The following ATP9B variants were observed in gnomAD, a reference collection of about 807,000 sequenced individuals.
The protein encoded by ATP9B is probable phospholipid-transporting ATPase IIB.
In ATP9B, 110 loss-of-function variants were observed where a neutral mutation model predicts 146.1. The ratio of observed to expected loss-of-function variants is 0.75; its 90% CI spans 0.65 to 0.88. The LOEUF is 0.88. Among genes scored for constraint, ATP9B ranks in the 40% least tolerant of loss-of-function variants. ATP9B has a pLI of 0.00. For missense variants in ATP9B, 1,499 were observed against 1,496.4 expected, an observed-to-expected ratio of 1.00 and a Z score of -0.03; for synonymous variants, 604 against 569.7, an observed-to-expected ratio of 1.06 and a Z score of -0.86.
chr18:79,260,562 T>C (rs907302341), intron 12 of ATP9B, among the ~76,000 whole-genome samples: 2 of 152,170 alleles, frequency 1.3e-5, no homozygotes, highest in Non-Finnish European at 2.9e-5. Context: ...TAGTGTGGAC[T>C]CTCAGGATAT....
chr18:79,138,549 G>A (rs542350307), intron 5 of ATP9B, among the ~76,000 whole-genome samples: 2 of 152,276 alleles, frequency 1.3e-5, no homozygotes, highest in South Asian at 4.1e-4. Flanking sequence ...TTGGCAATGA[G>A]TCTACCTGCT....
At chr18:79,372,534 G>C (rs1174332190) in intron 26 of ATP9B, 1 of 576,130 alleles carries the variant, frequency 1.7e-6, no homozygotes, top group South Asian at 1.5e-5. Context: ...ATGTTTGCTT[G>C]TATACATCAC....
At chr18:79,256,066 T>C (rs1356893655) in intron 12 of ATP9B, among the ~76,000 whole-genome samples, 1 of 151,800 alleles carries the variant, frequency 6.6e-6, no homozygotes, top group East Asian at 1.9e-4. Flanking sequence ...TTTAAAAATA[T>C]ATATTTTTTT....
chr18:79,296,714 G>T (rs965300490), intron 13 of ATP9B, among the ~76,000 whole-genome samples: 1 of 152,132 alleles, frequency 6.6e-6, no homozygotes, highest in East Asian at 1.9e-4. Context: ...AATTAGGCTC[G>T]TTATCATTAT....
At chr18:79,302,492 G>C (rs1432696222) in intron 13 of ATP9B, among the ~76,000 whole-genome samples, 1 of 152,224 alleles carries the variant, frequency 6.6e-6, no homozygotes, top group African/African-American at 2.4e-5. Context: ...ACACATCGCA[G>C]CACGCTACAT....
chr18:79,259,645 C>T lies in ATP9B; in HGVS notation c.1268+6104C>T, dbSNP rs9962482. Among the ~76,000 whole-genome samples the T allele has an allele frequency of 4.6e-5, 7 of 152,124 alleles. No individual in the cohort carries two copies. In the East Asian group the frequency reaches 1.4e-3, roughly 29 times the overall value. On this transcript the variant is annotated intron_variant, in intron 12 of 29. Transcript: ENST00000426216. ...GTGAGCGTGGGGATGCTTGCCTGTG[C>T]GCTTCCAGAGCAGACGGACCAGGGA...
intron 10 of ATP9B, among the ~76,000 whole-genome samples, chr18:79,213,346 A>G (rs188433649): frequency 1.4e-4 from 22 of 151,966 alleles, no homozygotes; most frequent in Middle Eastern, 6.8e-3. Flanking sequence ...CATACCAAGG[A>G]TATTTTATTA....
At chr18:79,343,501 C>T (rs899105537) in intron 20 of ATP9B, among the ~76,000 whole-genome samples, 1 of 152,098 alleles carries the variant, frequency 6.6e-6, no homozygotes, top group African/African-American at 2.4e-5. Flanking sequence ...TACTTTTACT[C>T]TTTTAGGTTT....
At chr18:79,110,877 T>C (rs1438289722) in intron 3 of ATP9B, among the ~76,000 whole-genome samples, 1 of 152,210 alleles carries the variant, frequency 6.6e-6, no homozygotes, top group African/African-American at 2.4e-5. Flanking sequence ...ACAGTAAATG[T>C]AATGTTTAAA....
chr18:79,069,924 C>G (rs1215960057), intron 1 of ATP9B, among the ~76,000 whole-genome samples: 2 of 152,236 alleles, frequency 1.3e-5, no homozygotes, highest in African/African-American at 4.8e-5. Flanking sequence ...ACGGATGTAA[C>G]TTTTAATTGC....
At chr18:79,192,907 G>A (rs372920611) in intron 8 of ATP9B, among the ~76,000 whole-genome samples, 1 of 152,104 alleles carries the variant, frequency 6.6e-6, no homozygotes, top group Non-Finnish European at 1.5e-5. Context: ...TACCATTGGA[G>A]CCCCCTGGAC....
chr18:79,373,855 C>T (rs2097087761), intron 27 of ATP9B, 43 bp from the exon 28 acceptor site: 3 of 1,601,724 alleles, frequency 1.9e-6, no homozygotes, highest in Non-Finnish European at 2.6e-6. Flanking sequence ...AGCTGGCTTA[C>T]ACCCTGCTCG....
intron 19 of ATP9B, among the ~76,000 whole-genome samples, chr18:79,341,037 A>G (rs904613722): frequency 5.3e-5 from 8 of 152,266 alleles, no homozygotes; most frequent in African/African-American, 1.9e-4. Flanking sequence ...GGTGTTACTC[A>G]CATGCCTCCA....
rs142624259 is a variant in ATP9B, at chr18:79,229,190, T to C, written c.1107+15152T>C. Among the ~76,000 whole-genome samples the C allele has an allele frequency of 2.4e-3, 368 of 152,346 alleles. 2 individuals are homozygous for C. The highest frequency in any genetic ancestry group is 6.4e-3 in the South Asian group (31 of 4,830). ...GTTGATAACTCACACTAGCATGTTATGTAGAATTATGTAATTACTAAAACT... is the reference window on the plus strand; with the variant it reads ...GTTGATAACTCACACTAGCATGTTACGTAGAATTATGTAATTACTAAAACT... On this transcript the variant is annotated intron_variant, in intron 11 of 29. Coordinates refer to ENST00000426216, the MANE Select transcript of ATP9B (RefSeq NM_198531.5).
At chr18:79,229,493 T>C (rs1194736113) in intron 11 of ATP9B, among the ~76,000 whole-genome samples, 2 of 152,240 alleles carry the variant, frequency 1.3e-5, no homozygotes, top group Non-Finnish European at 2.9e-5. Context: ...AATGGATCAA[T>C]TTAATATGTT....
intron 6 of ATP9B, among the ~76,000 whole-genome samples, chr18:79,147,643 A>G (rs867534834): frequency 1.3e-4 from 20 of 152,232 alleles, no homozygotes; most frequent in South Asian, 1.2e-3. Context: ...AAAATTCTGC[A>G]TTCTGGAATA....
chr18:79,375,086 G>T (rs922552363), intron 28 of ATP9B, among the ~76,000 whole-genome samples: 1 of 152,212 alleles, frequency 6.6e-6, no homozygotes, highest in Non-Finnish European at 1.5e-5. Flanking sequence ...AACATGGCCA[G>T]CCCTCCAGCG....
In ATP9B at chr18:79,114,774, G is replaced by C. The variant is rs573913629; in HGVS notation, c.558+1420G>C. 2.0e-5 allele frequency among the ~76,000 whole-genome samples: 3 copies of C among 152,234 alleles called. No individual in the cohort carries two copies. In the East Asian group the frequency reaches 5.8e-4, roughly 29 times the overall value. Reference sequence around the variant, plus strand: ...CTGTGGCGCTCATCCCATTAATATAGATGCCGTGAGCTCCCCCATTAGTGT... The same window carrying C: ...CTGTGGCGCTCATCCCATTAATATACATGCCGTGAGCTCCCCCATTAGTGT... On this transcript the variant is annotated intron_variant, in intron 4 of 29. Coordinates refer to ENST00000426216, the MANE Select transcript of ATP9B (RefSeq NM_198531.5).
chr18:79,152,798 A>C (rs1464565434), intron 6 of ATP9B, among the ~76,000 whole-genome samples: 1 of 152,132 alleles, frequency 6.6e-6, no homozygotes, highest in Non-Finnish European at 1.5e-5. Context: ...TTGATTGAAA[A>C]CACAATTATT....
Sources: gnomAD v4.1 joint callset for allele counts (sites outside exome capture counted in the v4.1 genomes callset) on GRCh38, gnomAD v4.1.1 for gene constraint, MANE v1.5 for transcripts, NCBI Gene and HGNC (gene_info 2026-07-23, HGNC 2026-07-21) for gene names.